TGFBI: variants seen among roughly 807,000 people sequenced by gnomAD.
The protein encoded by TGFBI is transforming growth factor-beta-induced protein ig-h3.
In TGFBI, 50 loss-of-function variants were observed where a neutral mutation model predicts 73.7. The observed-to-expected ratio is 0.68, with a 90% confidence interval of 0.54 to 0.86. The LOEUF is 0.86. TGFBI is among the 40% of genes least tolerant of loss of function. TGFBI has a pLI of 0.00. For missense variants in TGFBI, 839 were observed against 877.0 expected (o/e 0.96, Z 0.55); for synonymous variants, 362 against 360.5 (o/e 1.00, Z -0.05).
rs1323603629 is a variant in TGFBI, at chr5:136,050,258, G to A, written c.913+678G>A. Among the ~76,000 whole-genome samples, 4 of 151,358 alleles carry A rather than the reference G, an allele frequency of 2.6e-5. No homozygotes were observed. The East Asian group carries it at 7.8e-4, about 29-fold the overall frequency. On this transcript the variant is annotated intron_variant, in intron 7 of 16. Transcript: ENST00000442011. ...GAGGCAGGAGAACCACTTGAACCCA[G>A]GAGGTGGAGGTTGCAGTGAGCCAAG...
chr5:136,029,049 C>A lies in TGFBI; in HGVS notation c.-7C>A. 1.3e-6 allele frequency: 2 copies of A among 1,525,438 alleles called. No individual in the cohort carries two copies. Among genetic ancestry groups the A allele is most frequent in the Non-Finnish European group, 1.7e-6 (2 of 1,143,370 alleles). 94.5% of individuals were successfully genotyped at this position (1,525,438 alleles called of 1,614,324 possible). A position where few individuals can be genotyped will look rare whatever the true frequency, so the allele number is the denominator to read the frequency against. ...GCTAGCTCGCTCGGTGCGCGTCGTCCCGCTCCATGGCGCTCTTCGTGCGGC... is the reference window on the plus strand; with the variant it reads ...GCTAGCTCGCTCGGTGCGCGTCGTCACGCTCCATGGCGCTCTTCGTGCGGC... On this transcript the variant is annotated 5_prime_UTR_variant, in exon 1 of 17. Coordinates refer to ENST00000442011, the MANE Select transcript of TGFBI (RefSeq NM_000358.3).
chr5:136,029,293 AGCCC>A (rs1425350976), intron 1 of TGFBI, 104 bp downstream of exon 1: 5 of 1,286,142 alleles, frequency 3.9e-6, no homozygotes. Context: ...CAGGGGACAA[AGCCC>A]GAACTAAAAA....
At chr5:136,056,120 G>T (rs1029530781) in intron 11 of TGFBI, among the ~76,000 whole-genome samples, 14 of 152,216 alleles carry the variant, frequency 9.2e-5, no homozygotes, top group African/African-American at 3.4e-4. Context: ...AAAGCTCCAA[G>T]TGAGCCAAGA....
At chr5:136,056,880 G>A (rs962610413) in intron 12 of TGFBI, 85 bp downstream of exon 12, 2 of 1,469,480 alleles carry the variant, frequency 1.4e-6, no homozygotes, top group Non-Finnish European at 1.8e-6. Flanking sequence ...GGCACATCAA[G>A]GATTGACTTG....
intron 1 of TGFBI, among the ~76,000 whole-genome samples, chr5:136,030,778 ATTTC>A (rs1485652251): frequency 1.3e-5 from 2 of 152,014 alleles, no homozygotes; most frequent in Non-Finnish European, 2.9e-5. Flanking sequence ...GGAGGGTTCT[ATTTC>A]TTCTGTATCT....
Position 136,055,750 on chromosome 5 carries a change from T to C in TGFBI, c.1481T>C (p.Met494Thr), listed in dbSNP as rs1485124351. Reference sequence around the variant, plus strand: ...GGGAGGTACGGGACCCTGTTCACGATGGACCGGGTGCTGACCCCCCCAATG... The same window carrying C: ...GGGAGGTACGGGACCCTGTTCACGACGGACCGGGTGCTGACCCCCCCAATG... ...KRGRYGTLFT[M>T]DRVLTPPMGT... Residue 494 changes from methionine (M) to threonine (T), a missense_variant, in exon 11 of 17, where the codon ATG becomes ACG. Met to Thr is a moderately conservative substitution (Grantham distance 81, BLOSUM62 -1). Coordinates refer to ENST00000442011, the MANE Select transcript of TGFBI (RefSeq NM_000358.3). The C allele has an allele frequency of 6.2e-7, 1 of 1,613,038 alleles. No individual in the cohort carries two copies. The highest frequency in any genetic ancestry group is 8.5e-7 in the Non-Finnish European group (1 of 1,179,242).
Position 136,047,028 on chromosome 5 carries a change from C to A in TGFBI, c.624+13C>A. ...CTATCCTAATGGGGTAGGGGATCCC[C>A]AGCCATACTGCATGGCCCTTGGTGC... On this transcript the variant is annotated intron_variant, in intron 5 of 16. Coordinates refer to ENST00000442011, the MANE Select transcript of TGFBI (RefSeq NM_000358.3). 11 of 1,609,822 alleles carry A rather than the reference C, an allele frequency of 6.8e-6. No homozygotes were observed. Among genetic ancestry groups the A allele is most frequent in the Non-Finnish European group, 9.3e-6 (11 of 1,179,662 alleles).
chr5:136,061,604 C>T (rs1216596705), intron 15 of TGFBI, 25 bp downstream of exon 15: 9 of 1,601,318 alleles, frequency 5.6e-6, no homozygotes, highest in Non-Finnish European at 6.8e-6. Flanking sequence ...AGGTTTGCGC[C>T]TAGCCTGAGC....
At position 136,054,073 on chromosome 5, in the gene TGFBI, AT is replaced by A; in HGVS notation, c.1259del (p.Phe420SerfsTer20). 1 of 1,612,752 alleles carries A rather than the reference AT, an allele frequency of 6.2e-7. No homozygotes were observed. The highest frequency in any genetic ancestry group is 8.5e-7 in the Non-Finnish European group (1 of 1,178,892). The stretch of plus-strand genomic sequence containing the variant: ...CCCTCCTGGCTCCCCTGAATTCTGT[AT>A]TCAAAGGTAACATGGGGAAGGCATC... ...LTLLAPLNSVFKDGTPPIDAH... is the reference protein window; with the variant it reads ...LTLLAPLNSVXKDGTPPIDAH... On this transcript the variant is annotated frameshift_variant, in exon 9 of 17. Transcript: ENST00000442011. LOFTEE classifies it high-confidence loss of function.
At chr5:136,045,348 G>A (rs1751409688) in intron 3 of TGFBI, among the ~76,000 whole-genome samples, 1 of 152,134 alleles carries the variant, frequency 6.6e-6, no homozygotes. Context: ...TTTGAGATCA[G>A]CCTGGCTAAC....
intron 12 of TGFBI, among the ~76,000 whole-genome samples, chr5:136,057,348 T>G (rs1173139799): frequency 6.6e-6 from 1 of 152,162 alleles, no homozygotes; most frequent in East Asian, 1.9e-4. Context: ...TAAAGCCAGT[T>G]ACCTGCACTG....
At chr5:136,059,025 C>T in intron 12 of TGFBI, 65 bp from the exon 13 acceptor site, 1 of 1,562,280 alleles carries the variant, frequency 6.4e-7, no homozygotes, top group East Asian at 2.3e-5. Context: ...TCCTCTGGGC[C>T]CTCCTTGACC....
chr5:136,058,807 G>A (rs921811728), intron 12 of TGFBI: 1 of 306,916 alleles, frequency 3.3e-6, no homozygotes, highest in African/African-American at 2.1e-5. Context: ...CTTCTCAGCA[G>A]CCAGGGAGCC....
At chr5:136,046,661 A>G in intron 4 of TGFBI, 166 bp downstream of exon 4, 1 of 1,220,868 alleles carries the variant, frequency 8.2e-7, no homozygotes, top group Non-Finnish European at 1.1e-6. Context: ...AATATGTCTT[A>G]CCAGGTTGCG....
chr5:136,053,346 T>C (rs1421866762), intron 8 of TGFBI, among the ~76,000 whole-genome samples: 1 of 152,148 alleles, frequency 6.6e-6, no homozygotes, highest in Non-Finnish European at 1.5e-5. Flanking sequence ...ATTGAAGGGG[T>C]CTGGGGACAG....
intron 2 of TGFBI, among the ~76,000 whole-genome samples, chr5:136,042,225 G>A (rs1351462879): frequency 6.6e-6 from 1 of 152,232 alleles, no homozygotes; most frequent in Admixed American, 6.5e-5. Flanking sequence ...GCTCTCCCTG[G>A]ATTTAGCTGG....
At chr5:136,046,235 C>T (rs1751423564) in intron 3 of TGFBI, 100 bp from the exon 4 acceptor site, 2 of 1,440,798 alleles carry the variant, frequency 1.4e-6, no homozygotes, top group Non-Finnish European at 1.9e-6. Flanking sequence ...TCCTCGTCCT[C>T]TCCACCTGTA....
rs559129656 is a variant in TGFBI at position 136,046,411 on chromosome 5, G to A, written c.375G>A (p.Thr125=). ...STTTQLYTDR[T]EKLRPEMEGP... The stretch of plus-strand genomic sequence containing the variant: ...CCACTCAGCTGTACACGGACCGCAC[G>A]GAGAAGCTGAGGCCTGAGATGGAGG... Residue 125 remains threonine, a synonymous_variant, in exon 4 of 17, where the codon ACG becomes ACA. Coordinates refer to ENST00000442011, the MANE Select transcript of TGFBI (RefSeq NM_000358.3). 18 of 1,613,920 alleles carry A rather than the reference G, an allele frequency of 1.1e-5. No individual in the cohort carries two copies. The highest frequency in any genetic ancestry group is 6.7e-5 in the East Asian group (3 of 44,872).
At chr5:136,053,263 G>A in intron 8 of TGFBI, 144 bp downstream of exon 8, 1 of 743,074 alleles carries the variant, frequency 1.3e-6, no homozygotes, top group East Asian at 2.7e-5. Context: ...CACTGCAAAT[G>A]TGTGGGTTGT....
Sources: gnomAD v4.1 joint callset for allele counts (sites outside exome capture counted in the v4.1 genomes callset) on GRCh38, gnomAD v4.1.1 for gene constraint, MANE v1.5 for transcripts, NCBI Gene and HGNC (gene_info 2026-07-23, HGNC 2026-07-21) for gene names.